TPX2: variants seen among roughly 807,000 people sequenced by gnomAD.
TPX2 encodes the protein TPX2 microtubule nucleation factor, also known as targeting protein for Xklp2.
Under a neutral mutation model 93.6 loss-of-function variants are expected in TPX2, and 21 were observed. The ratio of observed to expected loss-of-function variants is 0.22; its 90% CI spans 0.16 to 0.32. The LOEUF (loss-of-function observed/expected upper bound fraction) is 0.32, where lower values mean the gene tolerates loss of function less well. Ranked by LOEUF, TPX2 falls within the 10% of genes least tolerant of loss-of-function variation. The pLI is 1.00. For missense variants in TPX2, 776 were observed against 871.1 expected (o/e 0.89, Z 1.37); for synonymous variants, 281 against 298.3 (o/e 0.94, Z 0.60).
chr20:31,747,456 G>GTCTATCTA (rs1275554299), intron 2 of TPX2, among the ~76,000 whole-genome samples: 2 of 151,800 alleles, frequency 1.3e-5, no homozygotes, highest in African/African-American at 4.9e-5. Context: ...CTGTCTGTCT[G>GTCTATCTA]TCTGTCTATC....
intron 1 of TPX2, among the ~76,000 whole-genome samples, chr20:31,742,263 C>G (rs919356972): frequency 5.3e-5 from 8 of 150,866 alleles, no homozygotes; most frequent in Admixed American, 3.3e-4. Context: ...CTGAAGCTTC[C>G]GCTTCCCAGG....
intron 12 of TPX2, among the ~76,000 whole-genome samples, chr20:31,788,549 C>G (rs992860854): frequency 8.5e-5 from 13 of 152,204 alleles, no homozygotes; most frequent in South Asian, 2.1e-4. Flanking sequence ...CACGTCCCCC[C>G]CAGTGCTGAA....
At chr20:31,793,278 T>C (rs2062114435) in intron 13 of TPX2, among the ~76,000 whole-genome samples, 1 of 152,250 alleles carries the variant, frequency 6.6e-6, no homozygotes, top group Non-Finnish European at 1.5e-5. Context: ...GTTTATGGAA[T>C]TGTAATATAT....
intron 2 of TPX2, among the ~76,000 whole-genome samples, chr20:31,755,440 C>T (rs2061845806): frequency 6.6e-6 from 1 of 152,018 alleles, no homozygotes; most frequent in South Asian, 2.1e-4. Context: ...ATCTACCTCC[C>T]TTCTAAGATA....
chr20:31,788,334 C>G (rs950746882), intron 12 of TPX2, among the ~76,000 whole-genome samples: 5 of 147,324 alleles, frequency 3.4e-5, no homozygotes, highest in African/African-American at 1.3e-4. Context: ...AGGAGAATTG[C>G]ATGAACCCAG....
At chr20:31,761,197 ATTTTTT>A (rs764823436) in intron 4 of TPX2, among the ~76,000 whole-genome samples, 1 of 130,690 alleles carries the variant, frequency 7.7e-6, no homozygotes, top group Non-Finnish European at 1.6e-5. Context: ...CCTTCAATTA[ATTTTTT>A]TTTTTTTTTT....
intron 2 of TPX2, among the ~76,000 whole-genome samples, chr20:31,756,565 T>G (rs866628901): frequency 6.6e-6 from 1 of 152,174 alleles, no homozygotes; most frequent in Non-Finnish European, 1.5e-5. Context: ...TAGATACTTA[T>G]CAAACTTTGC....
intron 2 of TPX2, among the ~76,000 whole-genome samples, chr20:31,756,275 A>C (rs1195525600): frequency 1.3e-5 from 2 of 152,194 alleles, no homozygotes; most frequent in African/African-American, 2.4e-5. Context: ...TTGGATGATA[A>C]GTGTTACAGT....
intron 1 of TPX2, among the ~76,000 whole-genome samples, chr20:31,741,664 A>G (rs2061753993): frequency 6.6e-6 from 1 of 152,144 alleles, no homozygotes; most frequent in Non-Finnish European, 1.5e-5. Context: ...TATTTTTAAT[A>G]GAGATGGGGT....
At position 31,792,664 on chromosome 20, in the gene TPX2, G is replaced by T. The variant is rs571152891; in HGVS notation, c.1414-71G>T. On this transcript the variant is annotated intron_variant, in intron 12 of 17. Transcript: ENST00000300403. ...TGTCTCTACCCAAAGGGGAAAAAAG[G>T]ATTTAATCTTCTCATACAGCTTAGT... 1.4e-4 allele frequency: 201 copies of T among 1,417,096 alleles called. 1 individual carries two copies. Among genetic ancestry groups the T allele is most frequent in the Non-Finnish European group, 1.9e-4 (188 of 1,001,404 alleles). The allele number at this position is 1,417,096 out of a possible 1,614,324, so 87.8% of individuals were successfully genotyped here. A position where few individuals can be genotyped will look rare whatever the true frequency, so the allele number is the denominator to read the frequency against.
intron 4 of TPX2, among the ~76,000 whole-genome samples, chr20:31,761,363 G>C (rs555364505): frequency 6.6e-6 from 1 of 151,762 alleles, no homozygotes; most frequent in Non-Finnish European, 1.5e-5. Flanking sequence ...CAGCATGCCC[G>C]GCTAATTTTT....
chr20:31,767,321 C>T (rs1056245764), intron 5 of TPX2, among the ~76,000 whole-genome samples: 3 of 152,144 alleles, frequency 2.0e-5, no homozygotes, highest in Non-Finnish European at 4.4e-5. Context: ...ATAATTGTTA[C>T]ATCTTCCTGA....
At chr20:31,743,635 C>T (rs1210400026) in intron 2 of TPX2, among the ~76,000 whole-genome samples, 1 of 151,646 alleles carries the variant, frequency 6.6e-6, no homozygotes, top group Non-Finnish European at 1.5e-5. Flanking sequence ...TTTGAGGTTA[C>T]GGTGAGCTGA....
Position 31,797,437 on chromosome 20 carries a change from G to A in TPX2, c.1867G>A (p.Ala623Thr), listed in dbSNP as rs1199963692. 1.2e-6 allele frequency: 2 copies of A among 1,613,988 alleles called. No homozygotes were observed. Among genetic ancestry groups the A allele is most frequent in the Non-Finnish European group, 1.7e-6 (2 of 1,179,970 alleles). ...AGAACTGAGACAGCAGAAAGAAGCA[G>A]CTTGTTTCAAGGCTCGTCCAAACAC... Reference protein sequence around the residue: ...EEELRQQKEAACFKARPNTVI... With the variant: ...EEELRQQKEATCFKARPNTVI... Residue 623 changes from alanine to threonine, a missense_variant, in exon 16 of 18, where the codon GCT (alanine) becomes ACT (threonine). Coordinates refer to ENST00000300403, the MANE Select transcript of TPX2 (RefSeq NM_012112.5).
rs140205736 is a variant in TPX2, at chr20:31,743,183, C to G, written c.-71+536C>G. Among the ~76,000 whole-genome samples the G allele has an allele frequency of 3.1e-4, 47 of 152,266 alleles. No homozygotes were observed. The East Asian group carries it at 6.8e-3, about 22-fold the overall frequency. On this transcript the variant is annotated intron_variant, in intron 2 of 17. Coordinates refer to ENST00000300403, the MANE Select transcript of TPX2 (RefSeq NM_012112.5). The stretch of plus-strand genomic sequence containing the variant: ...TGAGCCAAGATCTCATCACTGCACT[C>G]CAGCCAGCAAGACTCTGTCTCAAAA...
At chr20:31,762,443 G>A (rs894928275) in intron 4 of TPX2, among the ~76,000 whole-genome samples, 1 of 151,944 alleles carries the variant, frequency 6.6e-6, no homozygotes, top group Non-Finnish European at 1.5e-5. Flanking sequence ...TCCGCCTCCC[G>A]GGTTCAAGTG....
chr20:31,766,798 T>A, intron 5 of TPX2, 116 bp downstream of exon 5: 3 of 668,562 alleles, frequency 4.5e-6, no homozygotes, highest in Non-Finnish European at 4.0e-6. Flanking sequence ...TATGTTACTT[T>A]TTTTTTTTTT....
At chr20:31,769,208 T>TAA (rs11477197) in intron 5 of TPX2, among the ~76,000 whole-genome samples, 3 of 142,652 alleles carry the variant, frequency 2.1e-5, no homozygotes, top group Admixed American at 7.1e-5. Context: ...AGTATAATAA[T>TAA]AAAAAAAAAA....
chr20:31,796,367 T>C (rs1362336163), intron 15 of TPX2, among the ~76,000 whole-genome samples: 1 of 152,210 alleles, frequency 6.6e-6, no homozygotes, highest in African/African-American at 2.4e-5. Context: ...TAAAGACTTA[T>C]AACCACAATA....
Sources: allele counts gnomAD v4.1 joint callset (sites outside exome capture counted in the v4.1 genomes callset), GRCh38; gene constraint gnomAD v4.1.1; transcripts MANE v1.5; gene names NCBI Gene and HGNC (gene_info 2026-07-23, HGNC 2026-07-21).